Variants in ASTN2 observed in about 807,000 individuals in gnomAD.
ASTN2 encodes the protein astrotactin 2.
ASTN2 carries 54 observed loss-of-function variants against 139.8 expected under a neutral mutation model. The observed-to-expected ratio is 0.39, with a 90% CI of 0.31 to 0.48. The LOEUF is 0.48. ASTN2 is among the 20% of genes least tolerant of loss of function. The pLI is 0.95. For missense variants in ASTN2, 1,565 were observed against 1,725.1 expected (o/e 0.91, Z 1.64); for synonymous variants, 756 against 719.5 (o/e 1.05, Z -0.81).
At chr9:116,653,453 A>C (rs1202082880) in intron 16 of ASTN2, among the ~76,000 whole-genome samples, 1 of 152,232 alleles carries the variant, frequency 6.6e-6, no homozygotes, top group Non-Finnish European at 1.5e-5. Flanking sequence ...GAAGAAGCAA[A>C]GTGATTTGTA....
At chr9:116,516,866 G>T (rs1462840150) in intron 19 of ASTN2, among the ~76,000 whole-genome samples, 2 of 152,108 alleles carry the variant, frequency 1.3e-5, no homozygotes, top group African/African-American at 4.8e-5. Flanking sequence ...CTTCCCTGGT[G>T]ACCTGTATGA....
chr9:117,161,463 G>A (rs981081766), intron 3 of ASTN2, among the ~76,000 whole-genome samples: 3 of 151,836 alleles, frequency 2.0e-5, no homozygotes, highest in East Asian at 3.9e-4. Context: ...GTGCAATCTC[G>A]GCTCACTGCA....
intron 1 of ASTN2, among the ~76,000 whole-genome samples, chr9:117,395,489 C>T (rs1830653375): frequency 6.6e-6 from 1 of 152,228 alleles, no homozygotes; most frequent in South Asian, 2.1e-4. Context: ...CCCGCTCACA[C>T]ACACTGCCCT....
intron 13 of ASTN2, among the ~76,000 whole-genome samples, chr9:116,786,455 T>C (rs1164753840): frequency 6.6e-6 from 1 of 152,206 alleles, no homozygotes; most frequent in Non-Finnish European, 1.5e-5. Flanking sequence ...AAAAATATTT[T>C]TGATAGAGTG....
At chr9:117,148,566 C>T (rs1830253891) in intron 3 of ASTN2, among the ~76,000 whole-genome samples, 1 of 152,096 alleles carries the variant, frequency 6.6e-6, no homozygotes, top group South Asian at 2.1e-4. Context: ...AGCAGCAGAC[C>T]AAGGTCTAGC....
At chr9:116,430,792 G>C (rs762829280) in intron 22 of ASTN2, among the ~76,000 whole-genome samples, 11 of 152,258 alleles carry the variant, frequency 7.2e-5, no homozygotes, top group Non-Finnish European at 1.6e-4. Flanking sequence ...ATGGAGAGAA[G>C]GGTTGGAGGT....
chr9:117,016,808 ATGT>A (rs1474133849), intron 6 of ASTN2, among the ~76,000 whole-genome samples: 3 of 77,538 alleles, frequency 3.9e-5, no homozygotes, highest in African/African-American at 1.2e-4. Context: ...GGTTATATAT[ATGT>A]TTTATATATA....
chr9:117,285,806 T>G (rs773886466), intron 2 of ASTN2, among the ~76,000 whole-genome samples: 1 of 152,194 alleles, frequency 6.6e-6, no homozygotes, highest in Non-Finnish European at 1.5e-5. Flanking sequence ...GAATCCTGAA[T>G]CCTCCCTCAT....
At chr9:117,102,522 TTTA>T (rs766613951) in intron 4 of ASTN2, among the ~76,000 whole-genome samples, 1 of 151,942 alleles carries the variant, frequency 6.6e-6, no homozygotes, top group African/African-American at 2.4e-5. Flanking sequence ...TTTAAAATGA[TTTA>T]TTATTATTAT....
At chr9:117,026,089 T>C (rs1050878316) in intron 6 of ASTN2, among the ~76,000 whole-genome samples, 1 of 151,978 alleles carries the variant, frequency 6.6e-6, no homozygotes, top group South Asian at 2.1e-4. Flanking sequence ...TAAAGTTGCT[T>C]GTATTTTTTT....
intron 2 of ASTN2, among the ~76,000 whole-genome samples, chr9:117,271,571 G>C (rs545788499): frequency 6.6e-5 from 10 of 152,258 alleles, no homozygotes; most frequent in African/African-American, 2.4e-4. Flanking sequence ...TCTGAAACAA[G>C]GTAAGTCCCT....
intron 20 of ASTN2, among the ~76,000 whole-genome samples, chr9:116,484,395 T>C (rs1264255664): frequency 6.6e-6 from 1 of 152,194 alleles, no homozygotes; most frequent in Non-Finnish European, 1.5e-5. Flanking sequence ...TGAGGCAGTA[T>C]CAGGGTTCAC....
chr9:116,718,273 A>G (rs535320855), intron 16 of ASTN2, among the ~76,000 whole-genome samples: 1 of 152,310 alleles, frequency 6.6e-6, no homozygotes, highest in South Asian at 2.1e-4. Flanking sequence ...TTGTTCTAGG[A>G]CTTGAAGGAA....
chr9:117,130,198 A>G (rs1829795185), intron 4 of ASTN2, among the ~76,000 whole-genome samples: 1 of 152,198 alleles, frequency 6.6e-6, no homozygotes, highest in African/African-American at 2.4e-5. Flanking sequence ...GGTCTTGACT[A>G]CTCAGGAGGC....
At chr9:117,356,933 G>A (rs1421847555) in intron 1 of ASTN2, among the ~76,000 whole-genome samples, 2 of 152,108 alleles carry the variant, frequency 1.3e-5, no homozygotes, top group East Asian at 1.9e-4. Context: ...TCTGGTGGGC[G>A]CATGCCTGTA....
At chr9:116,909,028 G>T (rs1834242088) in intron 10 of ASTN2, among the ~76,000 whole-genome samples, 1 of 152,118 alleles carries the variant, frequency 6.6e-6, no homozygotes, top group Admixed American at 6.5e-5. Context: ...AAGTAGGCAG[G>T]GGTCAGATCA....
intron 19 of ASTN2, chr9:116,583,838 CAGAG>C (rs985769980): frequency 2.6e-5 from 4 of 152,146 alleles, no homozygotes; most frequent in Non-Finnish European, 4.4e-5. Context: ...GAATTTACAT[CAGAG>C]AGTCACTGAG....
Position 116,954,812 on chromosome 9 carries a change from A to G in ASTN2, c.1889+20396T>C, listed in dbSNP as rs772873590. On this transcript the variant is annotated intron_variant, in intron 10 of 22. Transcript: ENST00000313400. Reference sequence around the variant, plus strand: ...AGTCTAATGCAATGGCTCTCAAAGTATGGTCCATTGATCAGTAGCATGAGC... The same window carrying G: ...AGTCTAATGCAATGGCTCTCAAAGTGTGGTCCATTGATCAGTAGCATGAGC... 5.9e-5 allele frequency among the ~76,000 whole-genome samples: 9 copies of G among 152,178 alleles called. No homozygotes were observed. The South Asian group carries it at 6.2e-4, about 11-fold the overall frequency.
At chr9:116,883,606 T>C (rs1564321531) in intron 10 of ASTN2, among the ~76,000 whole-genome samples, 1 of 152,342 alleles carries the variant, frequency 6.6e-6, no homozygotes, top group East Asian at 1.9e-4. Context: ...AAATAGGTAT[T>C]TACTCTTGGG....
Sources: gnomAD v4.1 joint callset for allele counts (sites outside exome capture counted in the v4.1 genomes callset) on GRCh38, gnomAD v4.1.1 for gene constraint, MANE v1.5 for transcripts, NCBI Gene and HGNC (gene_info 2026-07-23, HGNC 2026-07-21) for gene names.